Variants in ATF7IP observed in about 807,000 individuals in gnomAD.
ATF7IP encodes the protein activating transcription factor 7 interacting protein.
In ATF7IP, 23 loss-of-function variants were observed where a neutral mutation model predicts 106.4. That is an observed-to-expected ratio of 0.22 (90% confidence interval 0.16 to 0.31). ATF7IP has a LOEUF of 0.31. Ranked by LOEUF, ATF7IP falls within the 10% of genes least tolerant of loss-of-function variation. The probability of loss-of-function intolerance (pLI) is 1.00; values close to 1 mark genes in which losing one functional copy is unlikely to be tolerated. For missense variants in ATF7IP, 1,334 were observed against 1,524.3 expected (o/e 0.88, Z 2.08); for synonymous variants, 542 against 539.0 (o/e 1.01, Z -0.08).
intron 13 of ATF7IP, among the ~76,000 whole-genome samples, chr12:14,485,385 A>G (rs113247408): frequency 2.0e-5 from 3 of 151,948 alleles, no homozygotes; most frequent in African/African-American, 7.3e-5. Context: ...GCCCCACACC[A>G]CTGGACCCTA....
chr12:14,476,097 G>A, intron 11 of ATF7IP, 129 bp downstream of exon 11: 1 of 733,436 alleles, frequency 1.4e-6, no homozygotes, highest in Non-Finnish European at 2.2e-6. Context: ...TTTTGGAATG[G>A]AAGTTTTTTA....
intron 13 of ATF7IP, among the ~76,000 whole-genome samples, chr12:14,495,968 G>C (rs1944999256): frequency 6.6e-6 from 1 of 152,084 alleles, no homozygotes; most frequent in Admixed American, 6.6e-5. Flanking sequence ...TCACGTACTG[G>C]TGGCACATAT....
chr12:14,431,645 C>T (rs1030568447), intron 2 of ATF7IP, among the ~76,000 whole-genome samples: 3 of 152,134 alleles, frequency 2.0e-5, no homozygotes, highest in African/African-American at 4.8e-5. Context: ...CCGCCCGCCT[C>T]GGCCTCCCAA....
intron 1 of ATF7IP, among the ~76,000 whole-genome samples, chr12:14,422,734 C>T (rs947747433): frequency 6.6e-5 from 10 of 152,150 alleles, no homozygotes; most frequent in Admixed American, 6.5e-4. Flanking sequence ...GTACTTCATT[C>T]CCCTTTGTGG....
At chr12:14,457,866 A>G (rs187002626) in intron 8 of ATF7IP, among the ~76,000 whole-genome samples, 142 of 152,254 alleles carry the variant, frequency 9.3e-4, no homozygotes, top group African/African-American at 3.4e-3. Flanking sequence ...AGGCTGAGGC[A>G]GGCGGATCAC....
chr12:14,457,120 C>G, intron 7 of ATF7IP, 87 bp from the exon 8 acceptor site: 1 of 1,148,340 alleles, frequency 8.7e-7, no homozygotes, highest in Non-Finnish European at 1.3e-6. Flanking sequence ...CCTTTTTCCC[C>G]TGTGGGCCAC....
At chr12:14,496,911 T>C (rs1376091865) in intron 14 of ATF7IP, among the ~76,000 whole-genome samples, 1 of 152,230 alleles carries the variant, frequency 6.6e-6, no homozygotes, top group African/African-American at 2.4e-5. Flanking sequence ...GAAAAGTCAA[T>C]AGGACTTCCT....
rs1186639999 is a variant in ATF7IP, at chr12:14,501,916, T to C, written c.*3843T>C. On this transcript the variant is annotated 3_prime_UTR_variant, in exon 15 of 15. Transcript: ENST00000261168. ...TGGTTAGGGTTAATACTGCATGGTA[T>C]TCATTTATCTTGTTTCATGAACTTT... 2.0e-5 allele frequency: 3 copies of C among 152,246 alleles called. No individual in the cohort carries two copies. The highest frequency in any genetic ancestry group is 6.5e-5 in the Admixed American group (1 of 15,286). The allele number at this position is 152,246 out of a possible 1,614,324, so 9.4% of individuals were successfully genotyped here.
chr12:14,454,176 T>G (rs1457989217), intron 6 of ATF7IP, among the ~76,000 whole-genome samples: 1 of 152,154 alleles, frequency 6.6e-6, no homozygotes, highest in Non-Finnish European at 1.5e-5. Flanking sequence ...TAACACCTTT[T>G]TTTGGCTATG....
At chr12:14,492,049 C>T (rs1238793172) in intron 13 of ATF7IP, among the ~76,000 whole-genome samples, 1 of 152,186 alleles carries the variant, frequency 6.6e-6, no homozygotes, top group Non-Finnish European at 1.5e-5. Flanking sequence ...TTGACCTTTC[C>T]CACCATAGTA....
intron 5 of ATF7IP, among the ~76,000 whole-genome samples, chr12:14,445,843 A>G (rs1942931348): frequency 6.6e-6 from 1 of 152,202 alleles, no homozygotes; most frequent in South Asian, 2.1e-4. Context: ...CCTCATGAAT[A>G]CACTCAGAAG....
At chr12:14,454,323 C>T (rs1943339298) in intron 6 of ATF7IP, among the ~76,000 whole-genome samples, 1 of 152,148 alleles carries the variant, frequency 6.6e-6, no homozygotes, top group Non-Finnish European at 1.5e-5. Context: ...GCTTCCCCTG[C>T]TGTCTGTCTG....
intron 10 of ATF7IP, among the ~76,000 whole-genome samples, chr12:14,471,049 T>C (rs958650679): frequency 6.6e-6 from 1 of 152,192 alleles, no homozygotes; most frequent in East Asian, 1.9e-4. Flanking sequence ...CTGGGTTGTT[T>C]AGTTAGTAAT....
chr12:14,384,780 ATTAAC>A lies in ATF7IP; in HGVS notation c.-8+18958_-8+18962del, dbSNP rs939599849. Among the ~76,000 whole-genome samples, 10 of 151,894 alleles carry A rather than the reference ATTAAC, an allele frequency of 6.6e-5. No individual in the cohort carries two copies. The East Asian group carries it at 7.8e-4, about 12-fold the overall frequency. On this transcript the variant is annotated intron_variant, in intron 1 of 14. Coordinates refer to ENST00000261168, the MANE Select transcript of ATF7IP (RefSeq NM_018179.5). ...AATCTTTAGCCTTCTATAAATTGAA[ATTAAC>A]TTAATCAATCAAGTCATTTTCAGGA...
intron 13 of ATF7IP, among the ~76,000 whole-genome samples, chr12:14,495,784 C>T (rs1373909209): frequency 6.6e-6 from 1 of 152,114 alleles, no homozygotes; most frequent in Non-Finnish European, 1.5e-5. Context: ...AAGATACTCC[C>T]AGTTTGTCTG....
intron 9 of ATF7IP, among the ~76,000 whole-genome samples, chr12:14,461,938 A>T (rs781375071): frequency 1.3e-5 from 2 of 152,188 alleles, no homozygotes; most frequent in Admixed American, 6.5e-5. Flanking sequence ...ATAGGAAACA[A>T]ATTCTAAAGT....
At chr12:14,401,537 T>G (rs1217483277) in intron 1 of ATF7IP, among the ~76,000 whole-genome samples, 4 of 151,808 alleles carry the variant, frequency 2.6e-5, no homozygotes, top group Non-Finnish European at 5.9e-5. Context: ...ATAGTTACCT[T>G]TTTTATTGTT....
chr12:14,446,454 A>G (rs1942963929), intron 5 of ATF7IP, among the ~76,000 whole-genome samples: 1 of 152,116 alleles, frequency 6.6e-6, no homozygotes, highest in Non-Finnish European at 1.5e-5. Context: ...AGCCAAGGTA[A>G]TGTTTTTATC....
At chr12:14,413,083 A>G (rs1941009027) in intron 1 of ATF7IP, among the ~76,000 whole-genome samples, 1 of 152,202 alleles carries the variant, frequency 6.6e-6, no homozygotes, top group Non-Finnish European at 1.5e-5. Flanking sequence ...TAGAACTTCT[A>G]GTTCAATGCT....
Sources: allele counts gnomAD v4.1 joint callset (sites outside exome capture counted in the v4.1 genomes callset), GRCh38; gene constraint gnomAD v4.1.1; transcripts MANE v1.5; gene names NCBI Gene and HGNC (gene_info 2026-07-23, HGNC 2026-07-21).